MSRB3: variants seen among roughly 807,000 people sequenced by gnomAD.
MSRB3 encodes the protein methionine sulfoxide reductase B3.
Under a neutral mutation model 21.0 loss-of-function variants are expected in MSRB3, and 13 were observed. That is an observed-to-expected ratio of 0.62 (90% CI 0.40 to 0.98). The LOEUF is 0.98. Among genes scored for constraint, MSRB3 ranks in the 50% least tolerant of loss-of-function variants. The probability of loss-of-function intolerance (pLI) is 0.00; values close to 1 mark genes in which losing one functional copy is unlikely to be tolerated. For missense variants in MSRB3, 199 were observed against 230.3 expected, an observed-to-expected ratio of 0.86 and a Z score of 0.88; for synonymous variants, 87 against 88.6, an observed-to-expected ratio of 0.98 and a Z score of 0.10.
chr12:65,446,030 A>G (rs1039448046), intron 5 of MSRB3, among the ~76,000 whole-genome samples: 5 of 152,196 alleles, frequency 3.3e-5, no homozygotes, highest in African/African-American at 1.2e-4. Flanking sequence ...GCCAAAACTA[A>G]TGATTTTCTT....
chr12:65,330,221 C>T (rs900246758), intron 4 of MSRB3, among the ~76,000 whole-genome samples: 1 of 152,108 alleles, frequency 6.6e-6, no homozygotes, highest in African/African-American at 2.4e-5. Context: ...AGGGTTTAAC[C>T]CTTGTGAGAT....
chr12:65,348,557 T>G (rs1341714575), intron 4 of MSRB3, among the ~76,000 whole-genome samples: 1 of 152,172 alleles, frequency 6.6e-6, no homozygotes, highest in Non-Finnish European at 1.5e-5. Flanking sequence ...TCACTGATTT[T>G]TTGAAGGGTT....
chr12:65,419,634 A>C lies in MSRB3; in HGVS notation c.293-34094A>C, dbSNP rs543995049. ...CCCTCAGGTCCTCGATGGTCTTGAA[A>C]TAATGGACCCAGTCTCTGACCTGGG... On this transcript the variant is annotated intron_variant, in intron 5 of 6. Coordinates refer to ENST00000308259, the MANE Select transcript of MSRB3 (RefSeq NM_001031679.3). 37 of 709,888 alleles carry C rather than the reference A, an allele frequency of 5.2e-5. No homozygotes were observed. The African/African-American group carries it at 5.9e-4, about 11-fold the overall frequency. The allele number at this position is 709,888 out of a possible 1,614,324, so 44.0% of individuals were successfully genotyped here. A position where few individuals can be genotyped will look rare whatever the true frequency, so the allele number is the denominator to read the frequency against.
intron 1 of MSRB3, among the ~76,000 whole-genome samples, chr12:65,305,417 A>C (rs1299336940): frequency 6.6e-6 from 1 of 152,166 alleles, no homozygotes; most frequent in Admixed American, 6.6e-5. Flanking sequence ...CCTAGTGGGG[A>C]AACATGGAAT....
chr12:65,318,145 A>G (rs975336326), intron 2 of MSRB3, among the ~76,000 whole-genome samples: 3 of 151,972 alleles, frequency 2.0e-5, no homozygotes, highest in Admixed American at 6.6e-5. Flanking sequence ...ATAGATTCAG[A>G]TTTAGCTGTT....
At chr12:65,377,533 CA>C (rs56348799) in intron 5 of MSRB3, among the ~76,000 whole-genome samples, 3,087 of 152,288 alleles carry the variant, frequency 0.02, 51 homozygotes, top group Middle Eastern at 0.085. Context: ...CTCCTTATCT[CA>C]AGGTATCCAT....
chr12:65,321,414 A>G (rs1235723526), intron 2 of MSRB3, among the ~76,000 whole-genome samples: 1 of 152,190 alleles, frequency 6.6e-6, no homozygotes, highest in Non-Finnish European at 1.5e-5. Context: ...AAAATCTTGG[A>G]TCAGTGGTCC....
chr12:65,296,949 T>G (rs906762803), intron 1 of MSRB3, among the ~76,000 whole-genome samples: 14 of 152,298 alleles, frequency 9.2e-5, no homozygotes, highest in Admixed American at 2.0e-4. Flanking sequence ...GTATCATAAA[T>G]ATAAATGATT....
rs547262682 is a variant in MSRB3, at chr12:65,445,612, A to T, written c.293-8116A>T. ...ATAGGTTTATGCTAATTTCATGTAT[A>T]TTGTAAATTCCCTACTTTTCAAGAC... On this transcript the variant is annotated intron_variant, in intron 5 of 6. Transcript: ENST00000308259. Among the ~76,000 whole-genome samples the T allele has an allele frequency of 7.3e-5, 11 of 150,674 alleles. No homozygotes were observed. In the South Asian group the frequency reaches 2.3e-3, roughly 32 times the overall value.
chr12:65,450,735 C>A (rs2136697354), intron 5 of MSRB3, among the ~76,000 whole-genome samples: 1 of 152,298 alleles, frequency 6.6e-6, no homozygotes, highest in South Asian at 2.1e-4. Flanking sequence ...ATTTTCTCAA[C>A]AAGACGCAGA....
In MSRB3 at chr12:65,466,269, G is replaced by C. The variant is rs1412583360; in HGVS notation, c.*2947G>C. On this transcript the variant is annotated 3_prime_UTR_variant, in exon 7 of 7. Transcript: ENST00000308259. Reference sequence around the variant, plus strand: ...TGGTTTAATTCCAGATTGCTTTTGGGTTTAAGTGGTATCAAATTTCAGTAT... The same window carrying C: ...TGGTTTAATTCCAGATTGCTTTTGGCTTTAAGTGGTATCAAATTTCAGTAT... 6.6e-6 allele frequency: 1 copy of C among 152,080 alleles called. No homozygotes were observed. Among genetic ancestry groups the C allele is most frequent in the African/African-American group, 2.4e-5 (1 of 41,402 alleles). The allele number at this position is 152,080 out of a possible 1,614,324, so 9.4% of individuals were successfully genotyped here. A position where few individuals can be genotyped will look rare whatever the true frequency, so the allele number is the denominator to read the frequency against.
intron 4 of MSRB3, among the ~76,000 whole-genome samples, chr12:65,348,565 G>T (rs1275330952): frequency 6.6e-6 from 1 of 151,952 alleles, no homozygotes; most frequent in African/African-American, 2.4e-5. Context: ...TTTTTGAAGG[G>T]TTTTTTGTGT....
intron 1 of MSRB3, among the ~76,000 whole-genome samples, chr12:65,293,473 C>T (rs1872772927): frequency 6.6e-6 from 1 of 152,208 alleles, no homozygotes; most frequent in African/African-American, 2.4e-5. Flanking sequence ...CTCTTCTTTC[C>T]CAGTCTTCAA....
At chr12:65,315,111 CT>C (rs1321163985) in intron 2 of MSRB3, among the ~76,000 whole-genome samples, 1 of 152,188 alleles carries the variant, frequency 6.6e-6, no homozygotes, top group East Asian at 1.9e-4. Context: ...CAATTTCATC[CT>C]AAACATTTTA....
intron 4 of MSRB3, among the ~76,000 whole-genome samples, chr12:65,349,499 G>A (rs1448676155): frequency 2.0e-5 from 3 of 150,816 alleles, no homozygotes; most frequent in Non-Finnish European, 1.5e-5. Flanking sequence ...CTTCCACAAT[G>A]GATGAACTAG....
At chr12:65,328,902 TGCATTTAC>T (rs992331040) in intron 4 of MSRB3, among the ~76,000 whole-genome samples, 6 of 152,254 alleles carry the variant, frequency 3.9e-5, no homozygotes, top group African/African-American at 7.2e-5. Flanking sequence ...GAAATGTTTA[TGCATTTAC>T]TGATTTTTTA....
chr12:65,340,687 G>T (rs1312530422), intron 4 of MSRB3, among the ~76,000 whole-genome samples: 1 of 152,086 alleles, frequency 6.6e-6, no homozygotes, highest in African/African-American at 2.4e-5. Context: ...TTTCTGTCAA[G>T]TGTAGTCAAG....
At chr12:65,342,469 T>C (rs1876209199) in intron 4 of MSRB3, among the ~76,000 whole-genome samples, 1 of 151,982 alleles carries the variant, frequency 6.6e-6, no homozygotes, top group Non-Finnish European at 1.5e-5. Flanking sequence ...ATTTCCAATA[T>C]TGTCAAATTA....
At chr12:65,327,081 G>A in intron 3 of MSRB3, 147 bp downstream of exon 3, 3 of 680,006 alleles carry the variant, frequency 4.4e-6, no homozygotes, top group Non-Finnish European at 7.9e-6. Context: ...AGGTTAAAAT[G>A]GTGTTGTTTA....
Sources: gnomAD v4.1 joint callset for allele counts (sites outside exome capture counted in the v4.1 genomes callset) on GRCh38, gnomAD v4.1.1 for gene constraint, MANE v1.5 for transcripts, NCBI Gene and HGNC (gene_info 2026-07-23, HGNC 2026-07-21) for gene names.